F2R: variants seen among roughly 807,000 people sequenced by gnomAD.
The protein encoded by F2R is coagulation factor II thrombin receptor.
Under a neutral mutation model 18.3 loss-of-function variants are expected in F2R, and 12 were observed. That is an observed-to-expected ratio of 0.66 (90% CI 0.42 to 1.06). F2R has a LOEUF of 1.06. F2R is among the 50% of genes least tolerant of loss of function. The pLI is 0.00. For missense variants in F2R, 438 were observed against 530.8 expected (o/e 0.83, Z 1.72); for synonymous variants, 210 against 219.9 (o/e 0.95, Z 0.40).
chr5:76,727,938 A>G (rs1748600696), intron 1 of F2R, among the ~76,000 whole-genome samples: 1 of 143,378 alleles, frequency 7.0e-6, no homozygotes, highest in Admixed American at 7.2e-5. Context: ...CCCAGGCTGG[A>G]GTACAATGGT....
At chr5:76,731,428 C>G (rs909622825) in intron 1 of F2R, among the ~76,000 whole-genome samples, 1 of 151,414 alleles carries the variant, frequency 6.6e-6, no homozygotes, top group Non-Finnish European at 1.5e-5. Flanking sequence ...GAGCCGAGAT[C>G]GCGCCACTGT....
At chr5:76,723,301 A>C (rs1290914851) in intron 1 of F2R, among the ~76,000 whole-genome samples, 1 of 152,226 alleles carries the variant, frequency 6.6e-6, no homozygotes, top group Non-Finnish European at 1.5e-5. Context: ...GTACTCTTTT[A>C]GAAGTAGGTC....
chr5:76,719,588 CAAAAAAAAAAAGAGG>C (rs1372857686), intron 1 of F2R, among the ~76,000 whole-genome samples: 1 of 146,050 alleles, frequency 6.8e-6, no homozygotes, highest in African/African-American at 2.5e-5. Flanking sequence ...GACTCTCTCT[CAAAAAAAAAAAGAGG>C]TGGAATTGGG....
chr5:76,721,377 A>T (rs1748451356), intron 1 of F2R, among the ~76,000 whole-genome samples: 1 of 152,086 alleles, frequency 6.6e-6, no homozygotes, highest in South Asian at 2.1e-4. Flanking sequence ...TTTTCTGGGC[A>T]TGAGCTTTCA....
rs1748760003 is a variant in F2R at position 76,735,240 on chromosome 5, G to A, written c.*1737G>A. The A allele has an allele frequency of 6.6e-6, 1 of 152,242 alleles. No individual in the cohort carries two copies. Among genetic ancestry groups the A allele is most frequent in the Non-Finnish European group, 1.5e-5 (1 of 68,052 alleles). The allele number at this position is 152,242 out of a possible 1,614,324, so 9.4% of individuals were successfully genotyped here. ...TGTAATCCCAGCACTTTGGGAGGCT[G>A]AGGCGGGTGGATCACGAGGTCAGGA... On this transcript the variant is annotated 3_prime_UTR_variant, in exon 2 of 2. Coordinates refer to ENST00000319211, the MANE Select transcript of F2R (RefSeq NM_001992.5).
chr5:76,732,486 C>T lies in F2R; in HGVS notation c.261C>T (p.Phe87=), dbSNP rs377454881. The change falls in exon 2 of 2, where the codon TTC becomes TTT. Residue 87 remains phenylalanine (F), a synonymous_variant. Coordinates refer to ENST00000319211, the MANE Select transcript of F2R (RefSeq NM_001992.5). ...SSPLQKQLPA[F]ISEDASGYLT... ...CTCTTCAAAAACAACTTCCTGCATT[C>T]ATCTCAGAAGATGCCTCCGGATATT... 6.2e-6 allele frequency: 10 copies of T among 1,614,178 alleles called. No individual in the cohort carries two copies. Among genetic ancestry groups the T allele is most frequent in the Non-Finnish European group, 8.5e-6 (10 of 1,180,036 alleles).
intron 1 of F2R, among the ~76,000 whole-genome samples, chr5:76,726,552 T>A (rs1748558185): frequency 6.7e-6 from 1 of 150,318 alleles, no homozygotes; most frequent in Non-Finnish European, 1.5e-5. Flanking sequence ...AAAAAAAAAA[T>A]TAGCTGGGCA....
intron 1 of F2R, among the ~76,000 whole-genome samples, chr5:76,729,095 G>T (rs551362877): frequency 6.6e-6 from 1 of 152,160 alleles, no homozygotes; most frequent in Non-Finnish European, 1.5e-5. Context: ...ACTGTTTTTC[G>T]TAATGGCTAT....
intron 1 of F2R, among the ~76,000 whole-genome samples, chr5:76,725,849 C>G (rs1748543996): frequency 6.6e-6 from 1 of 152,172 alleles, no homozygotes; most frequent in African/African-American, 2.4e-5. Flanking sequence ...TTTTTTAAAA[C>G]AAGTACTTAC....
intron 1 of F2R, among the ~76,000 whole-genome samples, chr5:76,731,999 T>A (rs1198103794): frequency 6.6e-6 from 1 of 152,196 alleles, no homozygotes; most frequent in Non-Finnish European, 1.5e-5. Context: ...TGGAAATCAA[T>A]GATTGATCCC....
intron 1 of F2R, among the ~76,000 whole-genome samples, chr5:76,726,527 A>C (rs2150581965): frequency 6.8e-6 from 1 of 146,176 alleles, no homozygotes; most frequent in East Asian, 2.0e-4. Context: ...AAAGAGCGAG[A>C]CTCTGTCTCA....
intron 1 of F2R, among the ~76,000 whole-genome samples, chr5:76,728,531 CT>C (rs1748612585): frequency 6.6e-6 from 1 of 152,042 alleles, no homozygotes; most frequent in African/African-American, 2.4e-5. Flanking sequence ...GAATTTCCTT[CT>C]TTTTTAAGGC....
intron 1 of F2R, among the ~76,000 whole-genome samples, chr5:76,721,978 C>T (rs1748464918): frequency 6.6e-6 from 1 of 152,208 alleles, no homozygotes; most frequent in East Asian, 1.9e-4. Flanking sequence ...ATTGCAGCAG[C>T]TACATGAATA....
At chr5:76,718,723 G>A (rs1048302766) in intron 1 of F2R, among the ~76,000 whole-genome samples, 17 of 152,202 alleles carry the variant, frequency 1.1e-4, no homozygotes, top group Non-Finnish European at 1.5e-4. Flanking sequence ...GTTTACATTC[G>A]TCTAGACAAT....
At chr5:76,724,977 T>C (rs1190192284) in intron 1 of F2R, among the ~76,000 whole-genome samples, 2 of 152,214 alleles carry the variant, frequency 1.3e-5, no homozygotes, top group East Asian at 3.8e-4. Context: ...CCTGTCCTCC[T>C]CTTCATTTCT....
chr5:76,716,451 C>A, intron 1 of F2R, 56 bp downstream of exon 1: 1 of 1,323,742 alleles, frequency 7.6e-7, no homozygotes, highest in Non-Finnish European at 9.9e-7. Flanking sequence ...GGGGAGACTG[C>A]GGGGGTCACT....
In F2R at chr5:76,733,391, A is replaced by G. The variant is rs773332925; in HGVS notation, c.1166A>G (p.Lys389Arg). Reference sequence around the variant, plus strand: ...TACGTCTACAGTATCTTATGCTGCAAAGAAAGTTCCGATCCCAGCAGTTAT... The same window carrying G: ...TACGTCTACAGTATCTTATGCTGCAGAGAAAGTTCCGATCCCAGCAGTTAT... ...QRYVYSILCCKESSDPSSYNS... is the reference protein window; with the variant it reads ...QRYVYSILCCRESSDPSSYNS... The change falls in exon 2 of 2, where the codon AAA becomes AGA. Residue 389 changes from lysine (K) to arginine (R), a missense_variant. Lys to Arg is a conservative substitution (Grantham distance 26). Coordinates refer to ENST00000319211, the MANE Select transcript of F2R (RefSeq NM_001992.5). 1.8e-5 allele frequency: 29 copies of G among 1,614,208 alleles called. No individual in the cohort carries two copies. The highest frequency in any genetic ancestry group is 2.3e-5 in the Non-Finnish European group (27 of 1,180,038).
intron 1 of F2R, among the ~76,000 whole-genome samples, chr5:76,728,685 C>CTTTTTTTTTTTTTTTTTTTTTTTTT (rs763418437): frequency 1.1e-5 from 1 of 90,512 alleles, no homozygotes; most frequent in Non-Finnish European, 2.0e-5. Flanking sequence ...ACATCCTGGT[C>CTTTTTTTTTTTTTTTTTTTTTTTTT]TTTTTTTTTT....
chr5:76,731,684 C>T (rs1048556334), intron 1 of F2R, among the ~76,000 whole-genome samples: 15 of 151,988 alleles, frequency 9.9e-5, no homozygotes, highest in East Asian at 2.0e-4. Flanking sequence ...TGCATGCCAC[C>T]GCACCTGGCT....
Sources: allele counts gnomAD v4.1 joint callset (sites outside exome capture counted in the v4.1 genomes callset), GRCh38; gene constraint gnomAD v4.1.1; transcripts MANE v1.5; gene names NCBI Gene and HGNC (gene_info 2026-07-23, HGNC 2026-07-21).